The following SLC25A13 variants were observed in gnomAD, a reference collection of about 807,000 sequenced individuals.
The protein encoded by SLC25A13 is electrogenic aspartate/glutamate antiporter SLC25A13, mitochondrial.
SLC25A13 carries 70 observed loss-of-function variants against 85.5 expected under a neutral mutation model. The observed-to-expected ratio is 0.82, with a 90% CI of 0.68 to 1.00. SLC25A13 has a LOEUF of 1.00. Ranked by LOEUF, SLC25A13 falls within the 50% of genes least tolerant of loss-of-function variation. The pLI, the probability that SLC25A13 is intolerant of heterozygous loss-of-function variation, is 0.00. For synonymous variants in SLC25A13, 259 were observed against 288.7 expected (o/e 0.90, Z 1.04); for missense variants, 765 against 819.8 (o/e 0.93, Z 0.82).
At chr7:96,287,082 T>C (rs1164465055) in intron 2 of SLC25A13, among the ~76,000 whole-genome samples, 1 of 152,238 alleles carries the variant, frequency 6.6e-6, no homozygotes, top group Non-Finnish European at 1.5e-5. Context: ...ACAGAATGCT[T>C]ACTGCTGATC....
chr7:96,286,765 A>T (rs1250835752), intron 2 of SLC25A13, among the ~76,000 whole-genome samples: 1 of 152,186 alleles, frequency 6.6e-6, no homozygotes, highest in African/African-American at 2.4e-5. Context: ...AGTGGAACTG[A>T]TTCTAAATTC....
chr7:96,256,394 CA>C (rs1047453272), intron 3 of SLC25A13, among the ~76,000 whole-genome samples: 1 of 150,398 alleles, frequency 6.6e-6, no homozygotes, highest in Non-Finnish European at 1.5e-5. Context: ...AAATGGAAAG[CA>C]AAAAAAAGGC....
intron 13 of SLC25A13, among the ~76,000 whole-genome samples, chr7:96,150,052 T>C (rs1792969951): frequency 6.6e-6 from 1 of 152,050 alleles, no homozygotes; most frequent in Non-Finnish European, 1.5e-5. Flanking sequence ...AAATATTCCA[T>C]ACTGAACTGG....
rs764619502 is a variant in SLC25A13 at position 96,121,211 on chromosome 7, C to A, written c.2008G>T (p.Ala670Ser). The change falls in exon 18 of 18, where the codon GCT becomes TCT. Residue 670 changes from alanine to serine, a missense_variant. Physicochemically the swap from Ala to Ser is moderately conservative, Grantham distance 99. Coordinates refer to ENST00000265631, the MANE Select transcript of SLC25A13 (RefSeq NM_014251.3). ...TCTTCCTATGGGCCTCCACCAATAGCCTTTGAGGTAGATACTGATGGCTTG... is the reference window on the plus strand; with the variant it reads ...TCTTCCTATGGGCCTCCACCAATAGACTTTGAGGTAGATACTGATGGCTTG... Reference protein sequence around the residue: ...LFKPSVSTSKAIGGGP With the variant: ...LFKPSVSTSKSIGGGP The A allele has an allele frequency of 1.2e-5, 20 of 1,614,030 alleles. No individual in the cohort carries two copies. The highest frequency in any genetic ancestry group is 1.7e-5 in the Non-Finnish European group (20 of 1,180,014).
At chr7:96,144,245 G>A (rs138339278) in intron 14 of SLC25A13, among the ~76,000 whole-genome samples, 123 of 152,248 alleles carry the variant, frequency 8.1e-4, no homozygotes, top group African/African-American at 2.8e-3. Flanking sequence ...ATATATAAAT[G>A]AGGACCAACC....
At chr7:96,304,622 A>G (rs2117011602) in intron 1 of SLC25A13, among the ~76,000 whole-genome samples, 1 of 152,266 alleles carries the variant, frequency 6.6e-6, no homozygotes, top group East Asian at 1.9e-4. Context: ...CCCTTCCCCA[A>G]CAAGCTGCAA....
At chr7:96,158,244 C>T (rs756277727) in intron 13 of SLC25A13, among the ~76,000 whole-genome samples, 1 of 152,156 alleles carries the variant, frequency 6.6e-6, no homozygotes, top group African/African-American at 2.4e-5. Context: ...GATAAAAATA[C>T]AAGCCTTCTT....
intron 14 of SLC25A13, among the ~76,000 whole-genome samples, chr7:96,140,144 G>T (rs1409543939): frequency 6.7e-6 from 1 of 149,802 alleles, no homozygotes; most frequent in Non-Finnish European, 1.5e-5. Flanking sequence ...AGTTTTAGTA[G>T]AGACGGGGTT....
Position 96,277,241 on chromosome 7 carries a change from T to G in SLC25A13, c.167A>C (p.Lys56Thr). The G allele has an allele frequency of 6.2e-7, 1 of 1,609,772 alleles. No individual in the cohort carries two copies. The highest frequency in any genetic ancestry group is 8.5e-7 in the Non-Finnish European group (1 of 1,177,806). ...CACTCCACTTAAAAGTTCCACAGTC[T>G]TTGGATTAGGCTGGCTTTCTCCAAA... ...NIFGESQPNP[K>T]TVELLSGVVD... is the part of the protein sequence containing the mutation. The change falls in exon 3 of 18, where the codon AAG (lysine) becomes ACG (threonine). Residue 56 changes from lysine to threonine, a missense_variant. Lys to Thr is a moderately conservative substitution (Grantham distance 78). Transcript: ENST00000265631.
chr7:96,146,300 G>A (rs1792784924), intron 14 of SLC25A13, among the ~76,000 whole-genome samples: 1 of 152,052 alleles, frequency 6.6e-6, no homozygotes. Flanking sequence ...GCAAAGAGCT[G>A]CACTGAACAA....
At chr7:96,217,416 T>C (rs1369187512) in intron 4 of SLC25A13, among the ~76,000 whole-genome samples, 1 of 152,100 alleles carries the variant, frequency 6.6e-6, no homozygotes, top group Non-Finnish European at 1.5e-5. Flanking sequence ...CATATGCCCA[T>C]ACAAACTCAC....
At chr7:96,298,693 A>G (rs1158610878) in intron 1 of SLC25A13, among the ~76,000 whole-genome samples, 1 of 152,236 alleles carries the variant, frequency 6.6e-6, no homozygotes. Flanking sequence ...TCAGACTCCC[A>G]AAACGCTGGG....
intron 4 of SLC25A13, among the ~76,000 whole-genome samples, chr7:96,222,212 G>A (rs1287745943): frequency 6.6e-6 from 1 of 152,168 alleles, no homozygotes; most frequent in African/African-American, 2.4e-5. Context: ...TATTTCAATA[G>A]TGAAGATTAA....
chr7:96,210,564 G>A (rs960159341), intron 4 of SLC25A13, among the ~76,000 whole-genome samples: 1 of 152,194 alleles, frequency 6.6e-6, no homozygotes. Context: ...TCTAATGGCT[G>A]TAAGTCCCTT....
At chr7:96,175,606 C>T (rs1002207926) in intron 11 of SLC25A13, among the ~76,000 whole-genome samples, 4 of 152,184 alleles carry the variant, frequency 2.6e-5, no homozygotes, top group Admixed American at 6.5e-5. Flanking sequence ...CCAGGCTGTC[C>T]GACTCCAGCC....
At chr7:96,304,569 T>C (rs1026971185) in intron 1 of SLC25A13, among the ~76,000 whole-genome samples, 1 of 152,208 alleles carries the variant, frequency 6.6e-6, no homozygotes, top group Non-Finnish European at 1.5e-5. Context: ...TTTACTATTA[T>C]TGTTATTAAG....
chr7:96,320,069 A>G (rs1800280697), intron 1 of SLC25A13, among the ~76,000 whole-genome samples: 1 of 152,240 alleles, frequency 6.6e-6, no homozygotes, highest in Non-Finnish European at 1.5e-5. Flanking sequence ...CAATGGCACA[A>G]TCTCGGCTCA....
In SLC25A13 at chr7:96,221,419, A is replaced by T. The variant is rs528180618; in HGVS notation, c.329-12442T>A. 7.2e-5 allele frequency among the ~76,000 whole-genome samples: 11 copies of T among 152,348 alleles called. No homozygotes were observed. In the East Asian group the frequency reaches 1.9e-3, roughly 27 times the overall value. ...TACTGCAGGGCAATATTTTTCTTTCATCAAAATGACACATTATTTTTGTGA... is the reference window on the plus strand; with the variant it reads ...TACTGCAGGGCAATATTTTTCTTTCTTCAAAATGACACATTATTTTTGTGA... On this transcript the variant is annotated intron_variant, in intron 4 of 17. Transcript: ENST00000265631.
intron 9 of SLC25A13, among the ~76,000 whole-genome samples, chr7:96,188,492 C>T (rs889569563): frequency 2.0e-5 from 3 of 152,146 alleles, no homozygotes; most frequent in Admixed American, 6.5e-5. Context: ...CCAGAAACTG[C>T]GAAGTCTCAC....
Sources: allele counts gnomAD v4.1 joint callset (sites outside exome capture counted in the v4.1 genomes callset), GRCh38; gene constraint gnomAD v4.1.1; transcripts MANE v1.5; gene names NCBI Gene and HGNC (gene_info 2026-07-23, HGNC 2026-07-21).